MPDZ: variants seen among roughly 807,000 people sequenced by gnomAD.
The protein encoded by MPDZ is multiple PDZ domain crumbs cell polarity complex component.
MPDZ carries 234 observed loss-of-function variants against 239.1 expected under a neutral mutation model. The observed-to-expected ratio is 0.98, with a 90% CI of 0.88 to 1.09. The LOEUF (loss-of-function observed/expected upper bound fraction) is 1.09. Ranked by LOEUF, MPDZ falls within the 50% of genes least tolerant of loss-of-function variation. The pLI is 0.00. For missense variants in MPDZ, 3,175 were observed against 2,510.0 expected, an observed-to-expected ratio of 1.26 and a Z score of -5.66; for synonymous variants, 1,048 against 881.3, an observed-to-expected ratio of 1.19 and a Z score of -3.35.
intron 24 of MPDZ, among the ~76,000 whole-genome samples, chr9:13,154,566 G>C (rs1236723871): frequency 1.3e-5 from 2 of 152,160 alleles, no homozygotes; most frequent in African/African-American, 4.8e-5. Flanking sequence ...TCTACACAGA[G>C]TTTCTGTGAG....
At chr9:13,204,449 C>G (rs183459599) in intron 12 of MPDZ, among the ~76,000 whole-genome samples, 1 of 152,114 alleles carries the variant, frequency 6.6e-6, no homozygotes, top group South Asian at 2.1e-4. Context: ...TAATGCTACT[C>G]TAAATTTTTA....
chr9:13,183,528 G>T lies in MPDZ; in HGVS notation c.2539C>A (p.Pro847Thr), dbSNP rs1224465476. The T allele has an allele frequency of 2.5e-6, 4 of 1,612,500 alleles. No homozygotes were observed. The African/African-American group carries it at 4.0e-5, about 16-fold the overall frequency. Residue 847 changes from proline (P) to threonine (T), a missense_variant, in exon 19 of 47, where the codon CCT becomes ACT. Pro to Thr is a conservative substitution (Grantham distance 38, BLOSUM62 -1). Transcript: ENST00000319217. ...DESTFESPYSPENDSIYSTQA... is the reference protein window; with the variant it reads ...DESTFESPYSTENDSIYSTQA... ...GTAGAGTAGATGCTGTCATTTTCAG[G>T]AGAGTATGGAGACTCAAATGTGGAT...
At position 13,192,183 on chromosome 9, in the gene MPDZ, G is replaced by C; in HGVS notation, c.1916C>G (p.Thr639Ser). The change falls in exon 15 of 47, where the codon ACC becomes AGC. Residue 639 changes from threonine (T) to serine (S), a missense_variant. Thr to Ser is a moderately conservative substitution (Grantham distance 58). Transcript: ENST00000319217. ...VCCRRTVPPT[T>S]QSELDSLDLC... ...GTCCAGGCTATCCAATTCTGATTGG[G>C]TGGTGGGTGGCACAGTTCGACGACA... 1 of 1,611,136 alleles carries C rather than the reference G, an allele frequency of 6.2e-7. No homozygotes were observed. The highest frequency in any genetic ancestry group is 8.5e-7 in the Non-Finnish European group (1 of 1,178,632).
Position 13,192,141 on chromosome 9 carries a change from A to T in MPDZ, c.1958T>A (p.Leu653Gln). The change falls in exon 15 of 47, where the codon CTA becomes CAA. Residue 653 changes from leucine (L) to glutamine (Q), a missense_variant. Physicochemically the swap from Leu to Gln is moderately radical, Grantham distance 113 (BLOSUM62 -2). Transcript: ENST00000319217. ...ATGCAAATCTGATACCTTTTCTGTT[A>T]GCTCAATATCACATAAGTCCAGGCT... ...LDSLDLCDIE[L>Q]TEKPHVDLGE... 6.3e-7 allele frequency: 1 copy of T among 1,597,708 alleles called. No homozygotes were observed. The highest frequency in any genetic ancestry group is 8.5e-7 in the Non-Finnish European group (1 of 1,171,376).
At chr9:13,115,036 C>T (rs1329202084) in intron 40 of MPDZ, among the ~76,000 whole-genome samples, 1 of 152,080 alleles carries the variant, frequency 6.6e-6, no homozygotes, top group Non-Finnish European at 1.5e-5. Flanking sequence ...AAATCAATTT[C>T]CTTAGAATGA....
chr9:13,127,342 G>C (rs1436989698), intron 32 of MPDZ, among the ~76,000 whole-genome samples: 1 of 152,152 alleles, frequency 6.6e-6, no homozygotes, highest in Non-Finnish European at 1.5e-5. Context: ...TCAGTCCCAA[G>C]ACAAGCTCTG....
chr9:13,162,675 T>A lies in MPDZ; in HGVS notation c.3359+16A>T, dbSNP rs181397195. 6.5e-7 allele frequency: 1 copy of A among 1,542,876 alleles called. No individual in the cohort carries two copies. ...TGCTGTACCATTCATTGTATTAGAT[T>A]TAATGTTTCACTTACCTGCCAGTGT... On this transcript the variant is annotated intron_variant, in intron 23 of 46. Coordinates refer to ENST00000319217, the MANE Select transcript of MPDZ (RefSeq NM_001378778.1).
At chr9:13,205,844 T>C (rs1454619348) in intron 11 of MPDZ, 72 bp downstream of exon 11, 3 of 1,330,756 alleles carry the variant, frequency 2.3e-6, no homozygotes, top group African/African-American at 1.5e-5. Flanking sequence ...AAATAGTAAG[T>C]TACTTTGGAA....
At chr9:13,183,723 T>C in intron 18 of MPDZ, 138 bp from the exon 19 acceptor site, 1 of 780,510 alleles carries the variant, frequency 1.3e-6, no homozygotes, top group African/African-American at 1.8e-5. Flanking sequence ...TTAACCCTCA[T>C]CAGACACTGC....
Position 13,236,171 on chromosome 9 carries a change from T to C in MPDZ, c.183+11464A>G, listed in dbSNP as rs144099091. Among the ~76,000 whole-genome samples the C allele has an allele frequency of 4.7e-3, 673 of 142,866 alleles. 6 individuals are homozygous for C. The highest frequency in any genetic ancestry group is 0.015 in the African/African-American group (597 of 38,734). The allele number at this position is 142,866 out of a possible 152,430, so 93.7% of individuals were successfully genotyped here. A position where few individuals can be genotyped will look rare whatever the true frequency, so the allele number is the denominator to read the frequency against. On this transcript the variant is annotated intron_variant, in intron 3 of 46. Coordinates refer to ENST00000319217, the MANE Select transcript of MPDZ (RefSeq NM_001378778.1). Reference sequence around the variant, plus strand: ...AAGGCATACTGCACTAAATGCTGGGTTTTGTGTGTGTGTGTTTCTGTATAT... The same window carrying C: ...AAGGCATACTGCACTAAATGCTGGGCTTTGTGTGTGTGTGTTTCTGTATAT...
chr9:13,214,540 T>A (rs1034150813), intron 10 of MPDZ, among the ~76,000 whole-genome samples: 28 of 152,142 alleles, frequency 1.8e-4, no homozygotes, highest in African/African-American at 5.8e-4. Context: ...GCTACTGTAC[T>A]GTACATTTTA....
At position 13,106,073 on chromosome 9, in the gene MPDZ, G is replaced by C. The variant is rs1188996238; in HGVS notation, c.*892C>G. ...TCTGTCATTAAGATTAATATGAATTGAAAACCAATTGCACAGCACACTAAC... is the reference window on the plus strand; with the variant it reads ...TCTGTCATTAAGATTAATATGAATTCAAAACCAATTGCACAGCACACTAAC... On this transcript the variant is annotated 3_prime_UTR_variant, in exon 47 of 47. Transcript: ENST00000319217. 1 of 152,078 alleles carries C rather than the reference G, an allele frequency of 6.6e-6. No individual in the cohort carries two copies. Among genetic ancestry groups the C allele is most frequent in the Admixed American group, 6.6e-5 (1 of 15,260 alleles). 9.4% of individuals were successfully genotyped at this position (152,078 alleles called of 1,614,324 possible).
chr9:13,175,667 T>TA (rs1035075422), intron 21 of MPDZ, 85 bp downstream of exon 21: 10 of 1,379,308 alleles, frequency 7.3e-6, no homozygotes, highest in African/African-American at 5.8e-5. Context: ...ATCTACAGCA[T>TA]AAAAAATTGA....
At chr9:13,192,440 T>C (rs1955066578) in intron 14 of MPDZ, 145 bp from the exon 15 acceptor site, 1 of 669,750 alleles carries the variant, frequency 1.5e-6, no homozygotes, top group East Asian at 2.8e-5. Flanking sequence ...CCTGTGGAAA[T>C]ACTATCTAAA....
chr9:13,225,850 T>A (rs1960405545), intron 3 of MPDZ, among the ~76,000 whole-genome samples: 1 of 152,080 alleles, frequency 6.6e-6, no homozygotes, highest in Non-Finnish European at 1.5e-5. Context: ...AGTTATACTT[T>A]CCCAGCAAAA....
chr9:13,147,398 T>C (rs1948577297), intron 26 of MPDZ, 150 bp downstream of exon 26: 1 of 592,022 alleles, frequency 1.7e-6, no homozygotes, highest in African/African-American at 1.9e-5. Flanking sequence ...ATAACTCAAT[T>C]TCTGAGAAAG....
rs1955016547 is a variant in MPDZ at position 13,192,147 on chromosome 9, A to G, written c.1952T>C (p.Ile651Thr). ...ATCTGATACCTTTTCTGTTAGCTCA[A>G]TATCACATAAGTCCAGGCTATCCAA... ...SELDSLDLCD[I>T]ELTEKPHVDL... Residue 651 changes from isoleucine (I) to threonine (T), a missense_variant, in exon 15 of 47, where the codon ATT (isoleucine) becomes ACT (threonine). Ile to Thr is a moderately conservative substitution (Grantham distance 89). Coordinates refer to ENST00000319217, the MANE Select transcript of MPDZ (RefSeq NM_001378778.1). 6.2e-6 allele frequency: 10 copies of G among 1,605,646 alleles called. No homozygotes were observed. The highest frequency in any genetic ancestry group is 8.5e-6 in the Non-Finnish European group (10 of 1,175,794).
intron 23 of MPDZ, among the ~76,000 whole-genome samples, chr9:13,161,742 G>C (rs1191703800): frequency 5.3e-5 from 8 of 152,092 alleles, no homozygotes; most frequent in African/African-American, 1.9e-4. Flanking sequence ...TCATGGAAAA[G>C]CAGTTTGACA....
chr9:13,109,966 A>T lies in MPDZ; in HGVS notation c.5928T>A (p.Phe1976Leu). 1 of 1,612,696 alleles carries T rather than the reference A, an allele frequency of 6.2e-7. No individual in the cohort carries two copies. Among genetic ancestry groups the T allele is most frequent in the East Asian group, 2.2e-5 (1 of 44,842 alleles). Residue 1976 changes from phenylalanine to leucine, a missense_variant, in exon 45 of 47, where the codon TTT becomes TTA. Physicochemically the swap from Phe to Leu is conservative, Grantham distance 22. Coordinates refer to ENST00000319217, the MANE Select transcript of MPDZ (RefSeq NM_001378778.1). ...TATGAACTCACCCTAAATCATCCTG[A>T]AATATACTGCTTGACGTCAGCCCAG... ...SFTGLTSSSI[F>L]QDDLGPPQCK...
Sources: allele counts gnomAD v4.1 joint callset (sites outside exome capture counted in the v4.1 genomes callset), GRCh38; gene constraint gnomAD v4.1.1; transcripts MANE v1.5; gene names NCBI Gene and HGNC (gene_info 2026-07-23, HGNC 2026-07-21).